TBL1X: variants seen among roughly 807,000 people sequenced by gnomAD.
TBL1X encodes the protein F-box-like/WD repeat-containing protein TBL1X.
Under a neutral mutation model 50.7 loss-of-function variants are expected in TBL1X, and 10 were observed. The ratio of observed to expected loss-of-function variants is 0.20; its 90% CI spans 0.12 to 0.33. The LOEUF is 0.33. Among genes scored for constraint, TBL1X ranks in the 10% least tolerant of loss-of-function variants. The pLI is 1.00. For synonymous variants in TBL1X, 190 were observed against 214.7 expected (o/e 0.88, Z 1.01); for missense variants, 340 against 504.4 (o/e 0.67, Z 3.12).
chrX:9,533,198 G>A, intron 2 of TBL1X, among the ~76,000 whole-genome samples: 1 of 112,024 alleles, frequency 8.9e-6, no homozygotes, highest in Non-Finnish European at 1.9e-5. Context: ...GAAGGGAGTT[G>A]AAAGCAGCAT....
At chrX:9,620,917 A>C (rs2082663661) in intron 2 of TBL1X, among the ~76,000 whole-genome samples, 1 of 111,919 alleles carries the variant, frequency 8.9e-6, no homozygotes, top group Admixed American at 9.4e-5. Context: ...AGCTCAGCGG[A>C]GCCAAGAAGG....
chrX:9,559,112 C>G (rs1337836153), intron 2 of TBL1X, among the ~76,000 whole-genome samples: 10 of 111,392 alleles, frequency 9.0e-5, no homozygotes, highest in Non-Finnish European at 1.7e-4. Flanking sequence ...ACTATAGTTC[C>G]TTCTTTGAGG....
In TBL1X at chrX:9,475,064, G is replaced by A. The variant is rs1406451288; in HGVS notation, c.-201+9617G>A. On this transcript the variant is annotated intron_variant, in intron 1 of 17. Coordinates refer to ENST00000645353, the MANE Select transcript of TBL1X (RefSeq NM_005647.4). The stretch of plus-strand genomic sequence containing the variant: ...AATTTTTGTATTTTTAGTAGAGACG[G>A]GGTTTTGCCATGTTGGCCAGGCTGG... Among the ~76,000 whole-genome samples the A allele has an allele frequency of 3.6e-5, 4 of 111,276 alleles. No individual in the cohort carries two copies. In the Admixed American group the frequency reaches 3.8e-4, roughly 11 times the overall value.
intron 2 of TBL1X, among the ~76,000 whole-genome samples, chrX:9,607,017 C>T (rs2082587044): frequency 8.9e-6 from 1 of 112,628 alleles, no homozygotes; most frequent in African/African-American, 3.2e-5. Context: ...CAAACATTCA[C>T]AAAGTTTACA....
At chrX:9,525,743 A>G (rs2082128787) in intron 2 of TBL1X, among the ~76,000 whole-genome samples, 2 of 112,347 alleles carry the variant, frequency 1.8e-5, no homozygotes, top group South Asian at 7.3e-4. Flanking sequence ...TGACACATAA[A>G]ACAATACCAA....
chrX:9,548,303 T>C (rs1003364360), intron 2 of TBL1X, among the ~76,000 whole-genome samples: 4 of 111,793 alleles, frequency 3.6e-5, no homozygotes, highest in African/African-American at 1.3e-4. Flanking sequence ...ATAGGTTTGC[T>C]CAGAGTTCTC....
Position 9,706,302 on chromosome X carries a change from A to G in TBL1X, c.1236+1188A>G, listed in dbSNP as rs765461679. Among the ~76,000 whole-genome samples, 3 of 111,763 alleles carry G rather than the reference A, an allele frequency of 2.7e-5. No individual in the cohort carries two copies. The South Asian group carries it at 1.1e-3, about 42-fold the overall frequency. On this transcript the variant is annotated intron_variant, in intron 13 of 17. Coordinates refer to ENST00000645353, the MANE Select transcript of TBL1X (RefSeq NM_005647.4). ...AAAATGCATAAAGGCTTAATGGCTTATGGAACAATATCAGAGACCCTAAAC... is the reference window on the plus strand; with the variant it reads ...AAAATGCATAAAGGCTTAATGGCTTGTGGAACAATATCAGAGACCCTAAAC...
At chrX:9,520,834 G>A (rs1240664430) in intron 2 of TBL1X, among the ~76,000 whole-genome samples, 1 of 111,513 alleles carries the variant, frequency 9.0e-6, no homozygotes, top group Non-Finnish European at 1.9e-5. Context: ...GCTCATGTCT[G>A]TAATCCCAGC....
At chrX:9,639,232 T>C (rs2146586762) in intron 2 of TBL1X, among the ~76,000 whole-genome samples, 1 of 111,468 alleles carries the variant, frequency 9.0e-6, no homozygotes, top group African/African-American at 3.3e-5. Context: ...TGCTTGAATT[T>C]CCTTAAAACA....
intron 2 of TBL1X, among the ~76,000 whole-genome samples, chrX:9,633,651 C>T (rs1010726082): frequency 3.8e-4 from 43 of 112,091 alleles, no homozygotes; most frequent in African/African-American, 1.3e-3. Flanking sequence ...TAGTCAAGTA[C>T]TGTCACCTTT....
At chrX:9,487,658 C>T (rs745571730) in intron 1 of TBL1X, among the ~76,000 whole-genome samples, 2 of 112,243 alleles carry the variant, frequency 1.8e-5, no homozygotes, top group South Asian at 3.6e-4. Context: ...CTAGCATGAA[C>T]GGTAATTTTC....
chrX:9,478,701 A>T (rs1332861882), intron 1 of TBL1X, among the ~76,000 whole-genome samples: 1 of 111,811 alleles, frequency 8.9e-6, no homozygotes, highest in Non-Finnish European at 1.9e-5. Context: ...ATTCCCAGTT[A>T]CTCCCGCAGA....
intron 1 of TBL1X, among the ~76,000 whole-genome samples, chrX:9,499,895 T>C (rs2081991391): frequency 9.1e-6 from 1 of 109,655 alleles, no homozygotes; most frequent in Non-Finnish European, 1.9e-5. Context: ...AGACTCTCAT[T>C]TGAACCTGGG....
chrX:9,560,176 T>G (rs1350089552), intron 2 of TBL1X, among the ~76,000 whole-genome samples: 3 of 111,967 alleles, frequency 2.7e-5, no homozygotes, highest in Non-Finnish European at 5.6e-5. Flanking sequence ...TTCTAGGCGA[T>G]GTTTATGTAG....
intron 16 of TBL1X, among the ~76,000 whole-genome samples, chrX:9,712,978 C>T (rs1175145003): frequency 2.7e-5 from 3 of 111,440 alleles, no homozygotes; most frequent in African/African-American, 9.8e-5. Context: ...TGCCCCCTTT[C>T]ATCTGCACTG....
At chrX:9,616,082 CT>C (rs1417783562) in intron 2 of TBL1X, among the ~76,000 whole-genome samples, 1 of 111,792 alleles carries the variant, frequency 8.9e-6, no homozygotes, top group East Asian at 2.8e-4. Flanking sequence ...ACGGATGACA[CT>C]TTGGGTATTA....
intron 1 of TBL1X, among the ~76,000 whole-genome samples, chrX:9,470,354 C>T (rs1479446893): frequency 8.9e-6 from 1 of 112,864 alleles, no homozygotes; most frequent in Non-Finnish European, 1.9e-5. Context: ...CCCGCAAGTT[C>T]AAGCGATTCT....
chrX:9,492,793 G>A (rs1054440785), intron 1 of TBL1X, among the ~76,000 whole-genome samples: 1 of 107,800 alleles, frequency 9.3e-6, no homozygotes, highest in African/African-American at 3.4e-5. Context: ...AGGGTGCATG[G>A]TATCAGATGC....
intron 2 of TBL1X, among the ~76,000 whole-genome samples, chrX:9,618,087 C>T (rs771113179): frequency 2.0e-4 from 22 of 111,819 alleles, no homozygotes; most frequent in Non-Finnish European, 3.2e-4. Flanking sequence ...AGTATCATTG[C>T]CTGTTGAGAA....
Sources: gnomAD v4.1 joint callset for allele counts (sites outside exome capture counted in the v4.1 genomes callset) on GRCh38, gnomAD v4.1.1 for gene constraint, MANE v1.5 for transcripts, NCBI Gene and HGNC (gene_info 2026-07-23, HGNC 2026-07-21) for gene names.